SPECC1: variants seen among roughly 807,000 people sequenced by gnomAD.
SPECC1 encodes sperm antigen with calponin homology and coiled-coil domains 1, also known as cytospin-B.
A neutral mutation model predicts 104.1 loss-of-function variants in SPECC1; 62 were observed. The observed-to-expected ratio is 0.60, with a 90% CI of 0.49 to 0.74. SPECC1 has a LOEUF of 0.74. Among genes scored for constraint, SPECC1 ranks in the 30% least tolerant of loss-of-function variants. SPECC1 has a pLI of 0.00. For missense variants in SPECC1, 1,306 were observed against 1,310.5 expected (o/e 1.00, Z 0.05); for synonymous variants, 513 against 501.6 (o/e 1.02, Z -0.30).
rs527335907 is a variant in SPECC1 at position 20,279,902 on chromosome 17, G to A, written c.2941-17059G>A. Among the ~76,000 whole-genome samples the A allele has an allele frequency of 9.8e-5, 15 of 152,286 alleles. No individual in the cohort carries two copies. The South Asian group carries it at 2.5e-3, about 25-fold the overall frequency. On this transcript the variant is annotated intron_variant, in intron 12 of 14. Coordinates refer to ENST00000395527, the MANE Select transcript of SPECC1 (RefSeq NM_001243439.2). ...TGCAGAAGCAGAGTGGCTGACACAC[G>A]CTGCAACACAGATGGGTCTGAGGAT...
At chr17:20,288,737 G>A (rs554467635) in intron 12 of SPECC1, among the ~76,000 whole-genome samples, 1 of 151,074 alleles carries the variant, frequency 6.6e-6, no homozygotes, top group African/African-American at 2.4e-5. Context: ...TGCTGGGGAG[G>A]CCTCAGAATC....
chr17:20,161,565 A>G (rs1215351412), intron 3 of SPECC1, among the ~76,000 whole-genome samples: 1 of 152,212 alleles, frequency 6.6e-6, no homozygotes, highest in South Asian at 2.1e-4. Context: ...TTTATAGAGA[A>G]GACAGTGGCA....
chr17:20,168,399 T>C (rs1041764413), intron 3 of SPECC1, among the ~76,000 whole-genome samples: 1 of 152,192 alleles, frequency 6.6e-6, no homozygotes, highest in African/African-American at 2.4e-5. Flanking sequence ...TTAATAAAAT[T>C]TAACATCTAC....
chr17:20,199,383 GTTTTT>G (rs3077216), intron 3 of SPECC1, among the ~76,000 whole-genome samples: 4 of 62,464 alleles, frequency 6.4e-5, no homozygotes, highest in East Asian at 9.0e-4. Flanking sequence ...CACCGTGCTG[GTTTTT>G]TTTTTTTTTT....
chr17:20,316,953 T>G lies in SPECC1; in HGVS notation c.*2888T>G, dbSNP rs191473328. 344 of 214,936 alleles carry G rather than the reference T, an allele frequency of 1.6e-3. 1 individual carries two copies. Among genetic ancestry groups the G allele is most frequent in the Middle Eastern group, 4.4e-3 (3 of 688 alleles). The allele number at this position is 214,936 out of a possible 1,614,324, so 13.3% of individuals were successfully genotyped here. A position where few individuals can be genotyped will look rare whatever the true frequency, so the allele number is the denominator to read the frequency against. The stretch of plus-strand genomic sequence containing the variant: ...CAATGACTGTGGCCAAACTCCCCCA[T>G]TTTTGTCTGTATCCTGCTCTCTTTA... On this transcript the variant is annotated 3_prime_UTR_variant, in exon 15 of 15. Coordinates refer to ENST00000395527, the MANE Select transcript of SPECC1 (RefSeq NM_001243439.2).
intron 3 of SPECC1, among the ~76,000 whole-genome samples, chr17:20,183,181 A>C: frequency 6.6e-6 from 1 of 152,186 alleles, no homozygotes; most frequent in East Asian, 1.9e-4. Context: ...ATCAAAAGAA[A>C]TCACTTTTCG....
chr17:20,051,988 A>C (rs549186833), intron 1 of SPECC1, among the ~76,000 whole-genome samples: 2 of 152,328 alleles, frequency 1.3e-5, no homozygotes, highest in South Asian at 4.1e-4. Context: ...AGGGGAGAGA[A>C]GAATACCTGA....
intron 2 of SPECC1, among the ~76,000 whole-genome samples, chr17:20,098,438 C>T (rs7207672): frequency 6.6e-6 from 1 of 152,160 alleles, no homozygotes; most frequent in African/African-American, 2.4e-5. Context: ...CCTTGGAACA[C>T]CTGAGTCATG....
chr17:20,010,256 A>C (rs901401799), intron 1 of SPECC1: 1 of 151,582 alleles, frequency 6.6e-6, no homozygotes, highest in African/African-American at 2.4e-5. Context: ...TTCGGAAAAA[A>C]ATTTTCCTGT....
At chr17:20,234,367 C>T (rs561675632) in intron 7 of SPECC1, among the ~76,000 whole-genome samples, 24 of 152,274 alleles carry the variant, frequency 1.6e-4, no homozygotes, top group African/African-American at 4.3e-4. Flanking sequence ...AGACAAGTGC[C>T]GGAGATGCTG....
intron 3 of SPECC1, among the ~76,000 whole-genome samples, chr17:20,165,066 A>G (rs966401460): frequency 6.6e-6 from 1 of 152,160 alleles, no homozygotes; most frequent in African/African-American, 2.4e-5. Flanking sequence ...TATTTTAAGG[A>G]TACACGTGCA....
chr17:20,137,506 C>G (rs1372698639), intron 3 of SPECC1, among the ~76,000 whole-genome samples: 2 of 152,082 alleles, frequency 1.3e-5, no homozygotes, highest in Non-Finnish European at 2.9e-5. Context: ...AAATAATCTT[C>G]TTTAACAGAA....
intron 3 of SPECC1, among the ~76,000 whole-genome samples, chr17:20,177,615 A>C (rs901646749): frequency 2.0e-5 from 3 of 152,196 alleles, no homozygotes; most frequent in Non-Finnish European, 4.4e-5. Context: ...AAATACTCTC[A>C]ACTATCCTTA....
At chr17:20,120,084 T>C (rs527629644) in intron 3 of SPECC1, among the ~76,000 whole-genome samples, 47 of 152,328 alleles carry the variant, frequency 3.1e-4, no homozygotes, top group African/African-American at 7.9e-4. Flanking sequence ...AGTAATAAGC[T>C]TGGGTTTTAA....
chr17:20,162,488 G>A (rs1274184388), intron 3 of SPECC1, among the ~76,000 whole-genome samples: 1 of 152,128 alleles, frequency 6.6e-6, no homozygotes, highest in East Asian at 1.9e-4. Context: ...CTTTATCTAG[G>A]AAAGGGAAGA....
chr17:20,278,108 T>A (rs561837913), intron 12 of SPECC1, among the ~76,000 whole-genome samples: 1 of 152,324 alleles, frequency 6.6e-6, no homozygotes, highest in South Asian at 2.1e-4. Context: ...CGGCTTTTTT[T>A]AATGGGACTA....
intron 3 of SPECC1, among the ~76,000 whole-genome samples, chr17:20,154,451 A>C (rs374102558): frequency 6.6e-6 from 1 of 152,212 alleles, no homozygotes; most frequent in Non-Finnish European, 1.5e-5. Context: ...CACCAAGTGC[A>C]AAGGCCCTGA....
chr17:20,085,964 C>A (rs2047161656), intron 1 of SPECC1, among the ~76,000 whole-genome samples: 1 of 152,238 alleles, frequency 6.6e-6, no homozygotes, highest in East Asian at 1.9e-4. Flanking sequence ...CAGCAAAGTT[C>A]TGTGTTCCCC....
At position 20,182,341 on chromosome 17, in the gene SPECC1, C is replaced by G. The variant is rs143611921; in HGVS notation, c.284-21992C>G. 1.4e-3 allele frequency among the ~76,000 whole-genome samples: 215 copies of G among 152,238 alleles called. 1 individual carries two copies. Among genetic ancestry groups the G allele is most frequent in the Middle Eastern group, 0.014 (4 of 294 alleles). On this transcript the variant is annotated intron_variant, in intron 3 of 14. Coordinates refer to ENST00000395527, the MANE Select transcript of SPECC1 (RefSeq NM_001243439.2). The stretch of plus-strand genomic sequence containing the variant: ...GTGTTGCTCAGGCTAGCAGCAAACT[C>G]TTGGACTCAAGTAATCCGCCTTCAT...
Sources: gnomAD v4.1 joint callset for allele counts (sites outside exome capture counted in the v4.1 genomes callset) on GRCh38, gnomAD v4.1.1 for gene constraint, MANE v1.5 for transcripts, NCBI Gene and HGNC (gene_info 2026-07-23, HGNC 2026-07-21) for gene names.